The following LINGO2 variants were observed in gnomAD, a reference collection of about 807,000 sequenced individuals.
LINGO2 encodes leucine-rich repeat and immunoglobulin-like domain-containing nogo receptor-interacting protein 2.
A neutral mutation model predicts 30.6 loss-of-function variants in LINGO2; 14 were observed. The ratio of observed to expected loss-of-function variants is 0.46; its 90% CI spans 0.30 to 0.72. The LOEUF is 0.72. Among genes scored for constraint, LINGO2 ranks in the 30% least tolerant of loss-of-function variants. The pLI is 0.07. For missense variants in LINGO2, 729 were observed against 751.7 expected, an observed-to-expected ratio of 0.97 and a Z score of 0.35; for synonymous variants, 317 against 288.5, an observed-to-expected ratio of 1.10 and a Z score of -1.00.
intron 5 of LINGO2, among the ~76,000 whole-genome samples, chr9:28,008,883 AC>A (rs1822405448): frequency 6.6e-6 from 1 of 152,166 alleles, no homozygotes; most frequent in Non-Finnish European, 1.5e-5. Flanking sequence ...CAAAATCATG[AC>A]TGCTTTTTGT....
At chr9:28,047,352 CAT>C (rs1187903235) in intron 4 of LINGO2, among the ~76,000 whole-genome samples, 1 of 151,514 alleles carries the variant, frequency 6.6e-6, no homozygotes, top group Non-Finnish European at 1.5e-5. Flanking sequence ...TTCATTGGGT[CAT>C]ACTGTATGAA....
chr9:28,882,464 G>A, the LINGO2 span, among the ~76,000 whole-genome samples: 4 of 152,122 alleles, frequency 2.6e-5, no homozygotes, highest in East Asian at 7.7e-4. Context: ...TTTAACTAAT[G>A]GTAGCCATCT....
At chr9:28,530,801 C>T (rs1821204294) in intron 1 of LINGO2, among the ~76,000 whole-genome samples, 1 of 151,892 alleles carries the variant, frequency 6.6e-6, no homozygotes, top group African/African-American at 2.4e-5. Flanking sequence ...TCCTGCTTCT[C>T]TAAAATTTAA....
intron 3 of LINGO2, among the ~76,000 whole-genome samples, chr9:28,332,010 T>G (rs1825438197): frequency 6.6e-6 from 1 of 152,144 alleles, no homozygotes; most frequent in Non-Finnish European, 1.5e-5. Flanking sequence ...GTTCTTATAT[T>G]GATCTTTCAT....
At chr9:28,224,812 G>A (rs546319942) in intron 4 of LINGO2, among the ~76,000 whole-genome samples, 32 of 152,112 alleles carry the variant, frequency 2.1e-4, no homozygotes, top group African/African-American at 6.0e-4. Flanking sequence ...CCTAAATGGC[G>A]AAAGCAGTCC....
chr9:28,058,664 A>C (rs1825039549), intron 4 of LINGO2, among the ~76,000 whole-genome samples: 2 of 152,154 alleles, frequency 1.3e-5, no homozygotes, highest in Admixed American at 6.5e-5. Flanking sequence ...TTCTATTATA[A>C]ACATTCAGCC....
At position 28,355,333 on chromosome 9, in the gene LINGO2, GTCTC is replaced by G. The variant is rs372527860; in HGVS notation, c.-246+17499_-246+17502del. 3.8e-3 allele frequency among the ~76,000 whole-genome samples: 244 copies of G among 63,824 alleles called. 1 individual carries two copies. Among genetic ancestry groups the G allele is most frequent in the African/African-American group, 9.5e-3 (194 of 20,394 alleles). The allele number at this position is 63,824 out of a possible 152,430, so 41.9% of individuals were successfully genotyped here. On this transcript the variant is annotated intron_variant, in intron 3 of 5. Coordinates refer to ENST00000379992, the Ensembl canonical transcript of LINGO2. ...TCTCTCTCTCTCTCTCTCTGTCTCT[GTCTC>G]TCTCTCTCTCTCTCTCTCCCTCCCT...
chr9:29,163,923 T>C, the LINGO2 span, among the ~76,000 whole-genome samples: 3,832 of 152,230 alleles, frequency 0.025, 154 homozygotes, highest in African/African-American at 0.086. Flanking sequence ...CCACCTGGTG[T>C]ACTTAAGTGG....
intron 4 of LINGO2, among the ~76,000 whole-genome samples, chr9:28,033,105 GC>G (rs1247311756): frequency 6.6e-6 from 1 of 152,182 alleles, no homozygotes; most frequent in East Asian, 1.9e-4. Context: ...CTCTGCATTT[GC>G]TGCTATGATC....
intron 4 of LINGO2, among the ~76,000 whole-genome samples, chr9:28,204,112 C>T (rs1449724565): frequency 6.6e-6 from 1 of 152,132 alleles, no homozygotes; most frequent in African/African-American, 2.4e-5. Flanking sequence ...ATACCCAAAG[C>T]CAGATTGCAA....
At chr9:28,543,055 C>T (rs991714162) in intron 1 of LINGO2, among the ~76,000 whole-genome samples, 7 of 151,972 alleles carry the variant, frequency 4.6e-5, no homozygotes, top group African/African-American at 9.7e-5. Context: ...ATGCACTAGA[C>T]GATCTGGGAG....
At chr9:29,013,556 T>A in the LINGO2 span, among the ~76,000 whole-genome samples, 3 of 151,946 alleles carry the variant, frequency 2.0e-5, no homozygotes, top group African/African-American at 7.3e-5. Flanking sequence ...CCACTTAGAG[T>A]GTTAGATGCC....
chr9:29,139,685 A>C, the LINGO2 span, among the ~76,000 whole-genome samples: 1 of 152,160 alleles, frequency 6.6e-6, no homozygotes, highest in African/African-American at 2.4e-5. Flanking sequence ...TAAGTAAATT[A>C]GTGGTGCTTA....
the LINGO2 span, among the ~76,000 whole-genome samples, chr9:28,698,649 G>A: frequency 6.6e-6 from 1 of 151,660 alleles, no homozygotes; most frequent in East Asian, 1.9e-4. Flanking sequence ...TTTTTTAGAG[G>A]ACTTTCAGGT....
upstream of LINGO2, among the ~76,000 whole-genome samples, chr9:28,670,890 C>T (rs1012975118): frequency 6.6e-6 from 1 of 151,876 alleles, no homozygotes; most frequent in South Asian, 2.1e-4. Flanking sequence ...CATATGCTTG[C>T]TAAAATAACA....
intron 4 of LINGO2, among the ~76,000 whole-genome samples, chr9:28,251,335 C>A (rs1035475670): frequency 3.9e-5 from 6 of 152,120 alleles, no homozygotes; most frequent in Non-Finnish European, 7.4e-5. Flanking sequence ...AACCTAACTT[C>A]CTCAGGGTAG....
chr9:28,472,024 G>C (rs115414170), intron 2 of LINGO2, among the ~76,000 whole-genome samples: 2,482 of 152,178 alleles, frequency 0.016, 61 homozygotes, highest in African/African-American at 0.056. Context: ...TAGAATTCAA[G>C]AAAGGTGTTG....
intron 3 of LINGO2, among the ~76,000 whole-genome samples, chr9:28,331,933 TA>T (rs1189582970): frequency 6.6e-6 from 1 of 152,196 alleles, no homozygotes; most frequent in Non-Finnish European, 1.5e-5. Flanking sequence ...TGACATCTCT[TA>T]TTAAAGAGTC....
At chr9:29,091,240 C>A in the LINGO2 span, among the ~76,000 whole-genome samples, 1 of 151,912 alleles carries the variant, frequency 6.6e-6, no homozygotes, top group Non-Finnish European at 1.5e-5. Flanking sequence ...CTTTTGACAG[C>A]TGAAATAGTT....
Sources: allele counts gnomAD v4.1 joint callset (sites outside exome capture counted in the v4.1 genomes callset), GRCh38; gene constraint gnomAD v4.1.1; transcripts MANE v1.5; gene names NCBI Gene and HGNC (gene_info 2026-07-23, HGNC 2026-07-21).